POU2AF1: variants seen among roughly 807,000 people sequenced by gnomAD.
The protein encoded by POU2AF1 is POU domain class 2-associating factor 1.
Under a neutral mutation model 26.3 loss-of-function variants are expected in POU2AF1, and 12 were observed. The ratio of observed to expected loss-of-function variants is 0.46; its 90% CI spans 0.29 to 0.74. The LOEUF is 0.74. POU2AF1 is among the 30% of genes least tolerant of loss of function. POU2AF1 has a pLI of 0.09. For synonymous variants in POU2AF1, 175 were observed against 148.0 expected (o/e 1.18, Z -1.32); for missense variants, 297 against 334.5 (o/e 0.89, Z 0.87).
At chr11:111,362,764 TG>T (rs141207117) in intron 1 of POU2AF1, among the ~76,000 whole-genome samples, 6 of 151,978 alleles carry the variant, frequency 3.9e-5, no homozygotes, top group Non-Finnish European at 8.8e-5. Flanking sequence ...TGGGGTTACT[TG>T]GGGGGGTCTG....
chr11:111,372,484 TGAGA>T (rs1459678980), intron 1 of POU2AF1, among the ~76,000 whole-genome samples: 2 of 152,330 alleles, frequency 1.3e-5, no homozygotes, highest in African/African-American at 4.8e-5. Flanking sequence ...CTAAGCAATG[TGAGA>T]GAGACAGGCA....
intron 1 of POU2AF1, among the ~76,000 whole-genome samples, chr11:111,365,857 CAAAAA>C (rs35060957): frequency 7.3e-6 from 1 of 137,072 alleles, no homozygotes; most frequent in Non-Finnish European, 1.6e-5. Context: ...AACTCCATCT[CAAAAA>C]AAAAAAAAAA....
chr11:111,375,994 T>C (rs1382079531), intron 1 of POU2AF1, among the ~76,000 whole-genome samples: 1 of 152,218 alleles, frequency 6.6e-6, no homozygotes, highest in African/African-American at 2.4e-5. Flanking sequence ...AATTTTGCAA[T>C]ATCCTATCAC....
At position 111,358,872 on chromosome 11, in the gene POU2AF1, G is replaced by A. The variant is rs143119107; in HGVS notation, c.63C>T (p.Gly21=). ...QAPAPARPYQ[G]VRVKEPVKEL... ...CCTTCACTGGCTCCTTCACACGGACGCCCTGGTATGGCCGGGCCGGGGCTG... is the reference window on the plus strand; with the variant it reads ...CCTTCACTGGCTCCTTCACACGGACACCCTGGTATGGCCGGGCCGGGGCTG... Residue 21 remains glycine, a synonymous_variant, in exon 2 of 5, where the codon GGC becomes GGT. Coordinates refer to ENST00000393067, the MANE Select transcript of POU2AF1 (RefSeq NM_006235.3). 22 of 1,608,552 alleles carry A rather than the reference G, an allele frequency of 1.4e-5. No individual in the cohort carries two copies. The African/African-American group carries it at 1.9e-4, about 14-fold the overall frequency.
intron 1 of POU2AF1, among the ~76,000 whole-genome samples, chr11:111,371,989 C>G (rs1260582495): frequency 2.0e-5 from 3 of 151,528 alleles, no homozygotes; most frequent in Non-Finnish European, 4.4e-5. Flanking sequence ...ACCCTACTCT[C>G]TACATCTTAC....
chr11:111,358,695 T>TCC, intron 2 of POU2AF1, 93 bp downstream of exon 2: 10 of 913,424 alleles, frequency 1.1e-5, no homozygotes, highest in Non-Finnish European at 1.6e-5. Context: ...CGCATACACA[T>TCC]ACTCACACAC....
chr11:111,373,064 T>C (rs1282348452), intron 1 of POU2AF1, among the ~76,000 whole-genome samples: 5 of 152,242 alleles, frequency 3.3e-5, no homozygotes, highest in Non-Finnish European at 7.3e-5. Flanking sequence ...CATAAGATCC[T>C]GAACACCCTA....
At position 111,357,648 on chromosome 11, in the gene POU2AF1, C is replaced by T. The variant is rs1313102269; in HGVS notation, c.253G>A (p.Ala85Thr). 1 of 1,613,580 alleles carries T rather than the reference C, an allele frequency of 6.2e-7. No homozygotes were observed. Among genetic ancestry groups the T allele is most frequent in the Admixed American group, 1.7e-5 (1 of 59,966 alleles). The change falls in exon 4 of 5, where the codon GCC (alanine) becomes ACC (threonine). Residue 85 changes from alanine (A) to threonine (T), a missense_variant. By Grantham distance (58) the Ala-to-Thr change is moderately conservative (BLOSUM62 0). Transcript: ENST00000393067. ...GGGGTGGGCTGGGAGAGCCAGCCGG[C>T]ACACAGGGCAGCCTCCTCTGTCACT... ...SAVTEEAALC[A>T]GWLSQPTPAT...
In POU2AF1 at chr11:111,353,558, G is replaced by A; in HGVS notation, c.*703C>T. 8.6e-6 allele frequency: 2 copies of A among 233,534 alleles called. No homozygotes were observed. The highest frequency in any genetic ancestry group is 1.8e-4 in the South Asian group (1 of 5,524). 14.5% of individuals were successfully genotyped at this position (233,534 alleles called of 1,614,324 possible). The stretch of plus-strand genomic sequence containing the variant: ...GTAAATCTGGCCGAGGCTGAGAAGA[G>A]CAAACAAAGGAGCAACTGTGGGAAC... On this transcript the variant is annotated 3_prime_UTR_variant, in exon 5 of 5. Coordinates refer to ENST00000393067, the MANE Select transcript of POU2AF1 (RefSeq NM_006235.3).
At chr11:111,363,076 CAG>C (rs1359455023) in intron 1 of POU2AF1, 1 of 919,556 alleles carries the variant, frequency 1.1e-6, no homozygotes, top group Non-Finnish European at 1.3e-6. Flanking sequence ...GTGCTGTGGA[CAG>C]AGAGTATCAC....
At chr11:111,374,197 G>A (rs1185380219) in intron 1 of POU2AF1, among the ~76,000 whole-genome samples, 2 of 136,796 alleles carry the variant, frequency 1.5e-5, no homozygotes, top group African/African-American at 5.4e-5. Context: ...CAAAACTTCT[G>A]AGTCAGTAAC....
At chr11:111,360,023 G>T (rs773698483) in intron 1 of POU2AF1, 4 of 518,854 alleles carry the variant, frequency 7.7e-6, no homozygotes, top group African/African-American at 1.9e-5. Flanking sequence ...CTGAGGGAAG[G>T]TTTCCTTCCC....
At chr11:111,375,734 GA>G (rs1402973723) in intron 1 of POU2AF1, among the ~76,000 whole-genome samples, 3 of 152,150 alleles carry the variant, frequency 2.0e-5, no homozygotes, top group Non-Finnish European at 4.4e-5. Context: ...AATGCCTGAA[GA>G]ACCAAGCAAA....
At chr11:111,365,003 A>G (rs1370900289) in intron 1 of POU2AF1, among the ~76,000 whole-genome samples, 1 of 152,224 alleles carries the variant, frequency 6.6e-6, no homozygotes, top group Non-Finnish European at 1.5e-5. Context: ...TTGGCTTTTC[A>G]AGACCAAAGA....
chr11:111,369,344 G>T (rs1861164883), intron 1 of POU2AF1, among the ~76,000 whole-genome samples: 1 of 152,188 alleles, frequency 6.6e-6, no homozygotes, highest in Non-Finnish European at 1.5e-5. Context: ...GAAAAACCTT[G>T]GATATTTTTG....
At chr11:111,358,419 C>T (rs1175926594) in intron 2 of POU2AF1, among the ~76,000 whole-genome samples, 5 of 97,958 alleles carry the variant, frequency 5.1e-5, no homozygotes, top group African/African-American at 1.5e-4. Context: ...CTCACACACA[C>T]GCTCACACTC....
chr11:111,368,892 C>A (rs769711525), intron 1 of POU2AF1, among the ~76,000 whole-genome samples: 2 of 152,220 alleles, frequency 1.3e-5, no homozygotes, highest in Admixed American at 6.5e-5. Flanking sequence ...CAACAAATAG[C>A]CCTTTCTCCT....
At chr11:111,358,276 G>A (rs1325401769) in intron 2 of POU2AF1, among the ~76,000 whole-genome samples, 4 of 149,470 alleles carry the variant, frequency 2.7e-5, no homozygotes, top group Non-Finnish European at 4.4e-5. Context: ...ATCTGCCTGC[G>A]CGCACACACA....
Position 111,357,891 on chromosome 11 carries a change from C to T in POU2AF1, c.148-54G>A, listed in dbSNP as rs1029289500. 26 of 1,524,924 alleles carry T rather than the reference C, an allele frequency of 1.7e-5. No homozygotes were observed. The African/African-American group carries it at 3.6e-4, about 21-fold the overall frequency. 94.5% of individuals were successfully genotyped at this position (1,524,924 alleles called of 1,614,324 possible). On this transcript the variant is annotated intron_variant, in intron 2 of 4. Transcript: ENST00000393067. Reference sequence around the variant, plus strand: ...AATGTTTAGCCCTCGTCAACCGGCCCTGTGCAGAGAACTTGCCCAGAGGGC... The same window carrying T: ...AATGTTTAGCCCTCGTCAACCGGCCTTGTGCAGAGAACTTGCCCAGAGGGC...
Sources: gnomAD v4.1 joint callset for allele counts (sites outside exome capture counted in the v4.1 genomes callset) on GRCh38, gnomAD v4.1.1 for gene constraint, MANE v1.5 for transcripts, NCBI Gene and HGNC (gene_info 2026-07-23, HGNC 2026-07-21) for gene names.